The following PARVG variants were observed in gnomAD, a reference collection of about 807,000 sequenced individuals.
The protein encoded by PARVG is parvin gamma.
PARVG carries 36 observed loss-of-function variants against 44.4 expected under a neutral mutation model. The ratio of observed to expected loss-of-function variants is 0.81; its 90% CI spans 0.62 to 1.07. The LOEUF is 1.07. PARVG is among the 50% of genes least tolerant of loss of function. The pLI is 0.00. For missense variants in PARVG, 407 were observed against 407.4 expected (o/e 1.00, Z 0.01); for synonymous variants, 170 against 174.1 (o/e 0.98, Z 0.19).
chr22:44,191,117 C>A (rs2054542255), intron 7 of PARVG, among the ~76,000 whole-genome samples: 2 of 152,208 alleles, frequency 1.3e-5, no homozygotes, highest in African/African-American at 4.8e-5. Flanking sequence ...TTTCTAGGAA[C>A]CTTGCCGGGT....
At chr22:44,204,489 G>GGCAGTACACAGACATCCAA (rs1252361195) in intron 12 of PARVG, among the ~76,000 whole-genome samples, 1 of 152,220 alleles carries the variant, frequency 6.6e-6, no homozygotes, top group Non-Finnish European at 1.5e-5. Flanking sequence ...GGATGGGGGT[G>GGCAGTACACAGACATCCAA]GCAGTACACA....
At position 44,183,394 on chromosome 22, in the gene PARVG, A is replaced by G; in HGVS notation, c.65A>G (p.Glu22Gly). 1 of 1,604,798 alleles carries G rather than the reference A, an allele frequency of 6.2e-7. No homozygotes were observed. ...AAGGGGGTGGAGCCCCCAGCGGAGG[A>G]GGAGCTCTCAAAAGGTGTGTGCCCA... ...LPKGVEPPAEEELSKGGKKKY... is the reference protein window; with the variant it reads ...LPKGVEPPAEGELSKGGKKKY... The change falls in exon 3 of 14, where the codon GAG becomes GGG. Residue 22 changes from glutamate to glycine, a missense_variant. By Grantham distance (98) the Glu-to-Gly change is moderately conservative. Coordinates refer to ENST00000444313, the MANE Select transcript of PARVG (RefSeq NM_022141.7).
At chr22:44,196,080 T>TG (rs2054612908) in intron 9 of PARVG, 75 bp from the exon 10 acceptor site, 1 of 1,545,890 alleles carries the variant, frequency 6.5e-7, no homozygotes. Flanking sequence ...GAAACTTTTG[T>TG]GAAAAAAAAA....
Position 44,188,730 on chromosome 22 carries a change from C to T in PARVG, c.248-384C>T, listed in dbSNP as rs1056558062. ...GGAAGCAGGGGGGTCAGGATAGAAGCCTAGGAGTGTAGGCTTTAACCACTA... is the reference window on the plus strand; with the variant it reads ...GGAAGCAGGGGGGTCAGGATAGAAGTCTAGGAGTGTAGGCTTTAACCACTA... On this transcript the variant is annotated intron_variant, in intron 5 of 13. Transcript: ENST00000444313. 18 of 223,298 alleles carry T rather than the reference C, an allele frequency of 8.1e-5. No individual in the cohort carries two copies. The South Asian group carries it at 1.3e-3, about 16-fold the overall frequency. The allele number at this position is 223,298 out of a possible 1,614,324, so 13.8% of individuals were successfully genotyped here.
intron 1 of PARVG, 25 bp from the exon 2 acceptor site, chr22:44,181,717 C>T: frequency 1.0e-6 from 1 of 985,372 alleles, no homozygotes; most frequent in East Asian, 1.1e-4. Context: ...TTCACGGCAT[C>T]CACCCCCCTC....
At chr22:44,198,335 TC>T (rs2054645349) in intron 11 of PARVG, among the ~76,000 whole-genome samples, 1 of 152,252 alleles carries the variant, frequency 6.6e-6, no homozygotes, top group Non-Finnish European at 1.5e-5. Context: ...CCCCTGTGTT[TC>T]TGTAGCTTGT....
upstream of PARVG, among the ~76,000 whole-genome samples, chr22:44,176,880 A>G (rs1245967849): frequency 6.6e-6 from 1 of 152,154 alleles, no homozygotes; most frequent in Non-Finnish European, 1.5e-5. Context: ...CATATCTTAC[A>G]TGGCGGCAGG....
chr22:44,185,930 G>C, intron 4 of PARVG, 58 bp downstream of exon 4: 20 of 1,528,784 alleles, frequency 1.3e-5, no homozygotes, highest in Non-Finnish European at 1.8e-5. Context: ...ACCAGGCAGC[G>C]GCCTCCACGG....
intron 4 of PARVG, chr22:44,187,464 C>T: frequency 2.3e-6 from 1 of 434,442 alleles, no homozygotes; most frequent in Admixed American, 3.6e-5. Flanking sequence ...TTCCATTCCC[C>T]AAGCCATTTC....
chr22:44,175,674 G>A (rs35993416), intron 1 of PARVG, among the ~76,000 whole-genome samples: 4,649 of 152,166 alleles, frequency 0.031, 92 homozygotes, highest in Middle Eastern at 0.048. Flanking sequence ...TGCCGCTGAG[G>A]CGTTGGGTGT....
chr22:44,184,908 T>A (rs139130), intron 3 of PARVG: 122,313 of 151,782 alleles, frequency 0.81, 49,534 homozygotes, highest in East Asian at 0.93. Context: ...CTGATTTAAA[T>A]TACTAAAAGT....
chr22:44,201,670 C>A (rs1371932710), intron 12 of PARVG, among the ~76,000 whole-genome samples: 1 of 152,216 alleles, frequency 6.6e-6, no homozygotes, highest in African/African-American at 2.4e-5. Flanking sequence ...ACAAACCACC[C>A]GAAAACCTAG....
chr22:44,198,226 G>C (rs1882725255), intron 11 of PARVG, among the ~76,000 whole-genome samples: 1 of 152,220 alleles, frequency 6.6e-6, no homozygotes, highest in Non-Finnish European at 1.5e-5. Context: ...CATACAGACA[G>C]AACAGACAGA....
At position 44,190,650 on chromosome 22, in the gene PARVG, A is replaced by T. The variant is rs779710189; in HGVS notation, c.488A>T (p.Glu163Val). The change falls in exon 7 of 14, where the codon GAG (glutamate) becomes GTG (valine). Residue 163 changes from glutamate to valine, a missense_variant. Physicochemically the swap from Glu to Val is moderately radical, Grantham distance 121. Transcript: ENST00000444313. Reference sequence around the variant, plus strand: ...TCCCTCCCAACCAACGTCCAGGTGGAGGTCATCACTATCGAGGTAGCAGCC... The same window carrying T: ...TCCCTCCCAACCAACGTCCAGGTGGTGGTCATCACTATCGAGGTAGCAGCC... ...DLSLPTNVQVEVITIESTKSG... is the reference protein window; with the variant it reads ...DLSLPTNVQVVVITIESTKSG... 2 of 1,613,188 alleles carry T rather than the reference A, an allele frequency of 1.2e-6. No individual in the cohort carries two copies. Among genetic ancestry groups the T allele is most frequent in the Admixed American group, 3.3e-5 (2 of 60,018 alleles).
At chr22:44,193,066 C>A (rs1212007158) in intron 8 of PARVG, among the ~76,000 whole-genome samples, 2 of 152,196 alleles carry the variant, frequency 1.3e-5, no homozygotes, top group African/African-American at 4.8e-5. Flanking sequence ...GCAGCCTTGG[C>A]CTCTGTGCTG....
Position 44,183,356 on chromosome 22 carries a change from G to T in PARVG, c.27G>T (p.Leu9=), listed in dbSNP as rs2054414066. 3 of 1,610,414 alleles carry T rather than the reference G, an allele frequency of 1.9e-6. No homozygotes were observed. The highest frequency in any genetic ancestry group is 1.1e-5 in the South Asian group (1 of 90,016). The change falls in exon 3 of 14, where the codon CTG becomes CTT. Residue 9 remains leucine (L), a synonymous_variant. Transcript: ENST00000444313. The stretch of plus-strand genomic sequence containing the variant: ...TGGAGCCGGAGTTCTTGTACGACCT[G>T]CTGCAGCTCCCCAAGGGGGTGGAGC... MEPEFLYD[L]LQLPKGVEPP... is the part of the protein sequence containing the mutation.
chr22:44,205,842 C>CA lies in PARVG; in HGVS notation c.886+14dup. The CA allele has an allele frequency of 2.5e-6, 4 of 1,611,910 alleles. No individual in the cohort carries two copies. The highest frequency in any genetic ancestry group is 3.4e-6 in the Non-Finnish European group (4 of 1,179,494). On this transcript the variant is annotated intron_variant, in intron 13 of 13. Transcript: ENST00000444313. ...GTCAGCCCTGAAGGTGAGTGCAAGG[C>CA]AGATGCCCACACGGTGGCCAGCCCT...
chr22:44,173,114 G>T (rs981031243), exon 1 of PARVG: 3 of 1,289,548 alleles, frequency 2.3e-6, no homozygotes, highest in Non-Finnish European at 2.0e-6. Context: ...ACAGCCCTTT[G>T]TGGGGGATGG....
At chr22:44,205,649 G>A (rs1601751747) in intron 12 of PARVG, 108 bp from the exon 13 acceptor site, 1 of 1,334,626 alleles carries the variant, frequency 7.5e-7, no homozygotes, top group South Asian at 1.3e-5. Context: ...GGGAGTTTAG[G>A]CTCATGATGG....
Sources: gnomAD v4.1 joint callset for allele counts (sites outside exome capture counted in the v4.1 genomes callset) on GRCh38, gnomAD v4.1.1 for gene constraint, MANE v1.5 for transcripts, NCBI Gene and HGNC (gene_info 2026-07-23, HGNC 2026-07-21) for gene names.